Variants in MLLT10 observed in about 807,000 individuals in gnomAD.
The protein encoded by MLLT10 is MLLT10 histone lysine methyltransferase DOT1L cofactor.
Under a neutral mutation model 129.1 loss-of-function variants are expected in MLLT10, and 30 were observed. The ratio of observed to expected loss-of-function variants is 0.23; its 90% CI spans 0.17 to 0.32. The LOEUF (loss-of-function observed/expected upper bound fraction) is 0.32. Ranked by LOEUF, MLLT10 falls within the 10% of genes least tolerant of loss-of-function variation. The probability of loss-of-function intolerance (pLI) is 1.00; values close to 1 mark genes in which losing one functional copy is unlikely to be tolerated. For synonymous variants in MLLT10, 490 were observed against 446.4 expected (o/e 1.10, Z -1.23); for missense variants, 1,119 against 1,268.3 (o/e 0.88, Z 1.79).
chr10:21,609,192 C>T (rs2044356279), intron 5 of MLLT10, among the ~76,000 whole-genome samples: 1 of 152,170 alleles, frequency 6.6e-6, no homozygotes, highest in Non-Finnish European at 1.5e-5. Context: ...GCCACATAAA[C>T]CACTTATTGT....
chr10:21,608,721 G>A (rs556871398), intron 5 of MLLT10, among the ~76,000 whole-genome samples: 1 of 152,024 alleles, frequency 6.6e-6, no homozygotes, highest in South Asian at 2.1e-4. Flanking sequence ...CGTCCGTTAG[G>A]TTATGTAATC....
chr10:21,668,620 C>T (rs1016689379), intron 9 of MLLT10, among the ~76,000 whole-genome samples: 4 of 151,984 alleles, frequency 2.6e-5, no homozygotes, highest in African/African-American at 9.7e-5. Context: ...TTTTTTGTCA[C>T]TGAAGTTTGA....
At chr10:21,702,912 C>G (rs1371625228) in intron 13 of MLLT10, among the ~76,000 whole-genome samples, 1 of 152,090 alleles carries the variant, frequency 6.6e-6, no homozygotes, top group Non-Finnish European at 1.5e-5. Flanking sequence ...AGAATTTAAT[C>G]CATTACATTT....
At chr10:21,569,397 A>G (rs2039956648) in intron 3 of MLLT10, among the ~76,000 whole-genome samples, 1 of 150,740 alleles carries the variant, frequency 6.6e-6, no homozygotes, top group African/African-American at 2.4e-5. Context: ...AGCTGGGTCT[A>G]CAGGCAATAT....
intron 3 of MLLT10, among the ~76,000 whole-genome samples, chr10:21,554,187 C>A (rs1588896062): frequency 6.6e-6 from 1 of 152,156 alleles, no homozygotes; most frequent in East Asian, 1.9e-4. Flanking sequence ...TTTGCCTTTT[C>A]TGTATTTAAA....
intron 14 of MLLT10, among the ~76,000 whole-genome samples, chr10:21,725,818 T>G (rs1214462719): frequency 6.7e-6 from 1 of 149,080 alleles, no homozygotes; most frequent in African/African-American, 2.5e-5. Flanking sequence ...TGGCGTGATC[T>G]CCTCTCACTG....
intron 7 of MLLT10, among the ~76,000 whole-genome samples, chr10:21,615,534 A>G (rs974292701): frequency 1.3e-5 from 2 of 151,880 alleles, no homozygotes; most frequent in African/African-American, 4.8e-5. Flanking sequence ...ATTTAGTGAA[A>G]AAATTAATCT....
At chr10:21,675,291 G>T (rs1281435766) in intron 11 of MLLT10, among the ~76,000 whole-genome samples, 6 of 152,142 alleles carry the variant, frequency 3.9e-5, no homozygotes, top group African/African-American at 1.2e-4. Flanking sequence ...CAATTTGGAT[G>T]GGACAAGTCT....
chr10:21,652,200 C>T (rs777114924), intron 9 of MLLT10, among the ~76,000 whole-genome samples: 4 of 152,126 alleles, frequency 2.6e-5, no homozygotes, highest in Non-Finnish European at 2.9e-5. Flanking sequence ...GCAAGAGCCA[C>T]CACTCCTGGC....
intron 10 of MLLT10, among the ~76,000 whole-genome samples, chr10:21,672,708 A>G (rs1235493442): frequency 2.6e-5 from 4 of 152,154 alleles, no homozygotes; most frequent in Non-Finnish European, 4.4e-5. Context: ...TGAAAATTGG[A>G]TTGGGAGAAT....
At chr10:21,615,579 AT>A (rs2045173291) in intron 7 of MLLT10, among the ~76,000 whole-genome samples, 1 of 151,924 alleles carries the variant, frequency 6.6e-6, no homozygotes, top group East Asian at 1.9e-4. Flanking sequence ...TCTTTAGTTA[AT>A]TGGATTTTTG....
At chr10:21,597,644 T>C (rs1367388793) in intron 5 of MLLT10, among the ~76,000 whole-genome samples, 1 of 152,222 alleles carries the variant, frequency 6.6e-6, no homozygotes, top group Non-Finnish European at 1.5e-5. Flanking sequence ...AGTGTTGGGA[T>C]TACAGGCGTG....
chr10:21,583,671 G>C (rs1471655011), intron 3 of MLLT10, among the ~76,000 whole-genome samples: 2 of 152,080 alleles, frequency 1.3e-5, no homozygotes, highest in African/African-American at 2.4e-5. Flanking sequence ...AAGGTGGCAG[G>C]CTCTTTTTAC....
intron 9 of MLLT10, among the ~76,000 whole-genome samples, chr10:21,663,695 G>C (rs1336711668): frequency 6.6e-6 from 1 of 152,148 alleles, no homozygotes; most frequent in African/African-American, 2.4e-5. Flanking sequence ...CTCCCGAATA[G>C]CTGGGACTAC....
intron 14 of MLLT10, among the ~76,000 whole-genome samples, 177 bp from the exon 15 acceptor site, chr10:21,726,066 TA>T (rs1307288518): frequency 6.6e-6 from 1 of 152,164 alleles, no homozygotes. Context: ...ATGTAACTTT[TA>T]AAAAATTGAC....
intron 3 of MLLT10, among the ~76,000 whole-genome samples, chr10:21,541,807 C>T (rs1393772191): frequency 1.3e-5 from 2 of 152,140 alleles, no homozygotes; most frequent in African/African-American, 2.4e-5. Flanking sequence ...AGCATCCGTG[C>T]CCGGCCAGAG....
intron 3 of MLLT10, among the ~76,000 whole-genome samples, chr10:21,577,532 C>T (rs1013968427): frequency 4.8e-5 from 7 of 147,044 alleles, no homozygotes; most frequent in Admixed American, 7.0e-5. Flanking sequence ...GGTGCAATGG[C>T]GCAATCTCAG....
At chr10:21,735,258 ATCT>A (rs1184107234) in intron 21 of MLLT10, 23 bp downstream of exon 21, 2 of 1,528,010 alleles carry the variant, frequency 1.3e-6, no homozygotes, top group Non-Finnish European at 1.8e-6. Flanking sequence ...TTTTGATAAT[ATCT>A]TATTAGGAGC....
intron 13 of MLLT10, among the ~76,000 whole-genome samples, chr10:21,704,604 T>G (rs2055310857): frequency 7.7e-6 from 1 of 129,756 alleles, no homozygotes; most frequent in Admixed American, 8.5e-5. Flanking sequence ...GAGGTGTCTC[T>G]CTCTCGCTTT....
Sources: allele counts gnomAD v4.1 joint callset (sites outside exome capture counted in the v4.1 genomes callset), GRCh38; gene constraint gnomAD v4.1.1; transcripts MANE v1.5; gene names NCBI Gene and HGNC (gene_info 2026-07-23, HGNC 2026-07-21).